RYR2: variants seen among roughly 807,000 people sequenced by gnomAD.
RYR2 encodes cardiac muscle ryanodine receptor-calcium release channel.
In RYR2, 227 loss-of-function variants were observed where a neutral mutation model predicts 601.1. The ratio of observed to expected loss-of-function variants is 0.38; its 90% CI spans 0.34 to 0.42. The LOEUF is 0.42. Ranked by LOEUF, RYR2 falls within the 10% of genes least tolerant of loss-of-function variation. The probability of loss-of-function intolerance (pLI) is 1.00; values close to 1 mark genes in which losing one functional copy is unlikely to be tolerated. For synonymous variants in RYR2, 2,223 were observed against 2,175.1 expected, an observed-to-expected ratio of 1.02 and a Z score of -0.61; for missense variants, 4,646 against 6,156.5, an observed-to-expected ratio of 0.75 and a Z score of 8.21.
chr1:237,755,692 C>T (rs573029395), intron 80 of RYR2, among the ~76,000 whole-genome samples: 1 of 152,314 alleles, frequency 6.6e-6, no homozygotes, highest in South Asian at 2.1e-4. Flanking sequence ...TTTGTTACCA[C>T]CAGAGAATAC....
chr1:237,439,494 A>T (rs571817187), intron 12 of RYR2, among the ~76,000 whole-genome samples: 1 of 152,106 alleles, frequency 6.6e-6, no homozygotes, highest in South Asian at 2.1e-4. Flanking sequence ...AAATACAAAA[A>T]TTAGCAGGGT....
At chr1:237,155,066 G>T (rs896704712) in intron 1 of RYR2, among the ~76,000 whole-genome samples, 1 of 151,940 alleles carries the variant, frequency 6.6e-6, no homozygotes, top group Admixed American at 6.6e-5. Context: ...GGTGACTGTT[G>T]TCTCCTTGTT....
At chr1:237,222,053 C>T (rs946404587) in intron 1 of RYR2, among the ~76,000 whole-genome samples, 2 of 151,966 alleles carry the variant, frequency 1.3e-5, no homozygotes, top group South Asian at 2.1e-4. Flanking sequence ...TCCATGGGGA[C>T]GTGTGCACAT....
chr1:237,468,440 A>T (rs999978974), intron 16 of RYR2, among the ~76,000 whole-genome samples: 3 of 152,190 alleles, frequency 2.0e-5, no homozygotes, highest in African/African-American at 7.2e-5. Flanking sequence ...GAAGTGTAGA[A>T]AACAGTAGTC....
rs56254694 is a variant in RYR2, at chr1:237,102,383, G to A, written c.48+59814G>A. Among the ~76,000 whole-genome samples the A allele has an allele frequency of 7.8e-3, 1,192 of 152,278 alleles. 16 individuals carry two copies. The highest frequency in any genetic ancestry group is 0.027 in the African/African-American group (1,116 of 41,546). ...GCATGCAGGCACACACACATACACA[G>A]CAGCCGTCCTCTTGTTGAATGCCTC... On this transcript the variant is annotated intron_variant, in intron 1 of 104. Transcript: ENST00000366574.
rs935252784 is a variant in RYR2, at chr1:237,616,088, G to A, written c.5716-1198G>A. ...GGTTAGTCAGGAGGCTTTCTTGCTG[G>A]TCCAAACTCTAGGAGACCATGCTCA... is the stretch of plus-strand genomic sequence containing the variant. On this transcript the variant is annotated intron_variant, in intron 37 of 104. Coordinates refer to ENST00000366574, the MANE Select transcript of RYR2 (RefSeq NM_001035.3). Among the ~76,000 whole-genome samples the A allele has an allele frequency of 2.6e-5, 4 of 152,226 alleles. No individual in the cohort carries two copies. The South Asian group carries it at 8.3e-4, about 32-fold the overall frequency.
rs571956015 is a variant in RYR2 at position 237,570,042 on chromosome 1, C to T, written c.3598+723C>T. Among the ~76,000 whole-genome samples, 4 of 152,002 alleles carry T rather than the reference C, an allele frequency of 2.6e-5. No homozygotes were observed. In the East Asian group the frequency reaches 7.9e-4, roughly 30 times the overall value. ...ACCAGCCTGACCAACATAGTGAAACCCCATGTCTACTAAAAAATACAAAAA... is the reference window on the plus strand; with the variant it reads ...ACCAGCCTGACCAACATAGTGAAACTCCATGTCTACTAAAAAATACAAAAA... On this transcript the variant is annotated intron_variant, in intron 29 of 104. Transcript: ENST00000366574.
chr1:237,802,131 T>A (rs1185051268), intron 98 of RYR2: 1 of 359,938 alleles, frequency 2.8e-6, no homozygotes, highest in Non-Finnish European at 5.0e-6. Context: ...AATGAAAATA[T>A]ATGAAAAACT....
intron 62 of RYR2, among the ~76,000 whole-genome samples, chr1:237,684,178 C>T (rs529813831): frequency 6.6e-4 from 101 of 151,934 alleles, no homozygotes; most frequent in Non-Finnish European, 1.2e-3. Context: ...TCAGGTGATC[C>T]GCCCACTTCT....
intron 1 of RYR2, among the ~76,000 whole-genome samples, chr1:237,222,918 A>T (rs1013724128): frequency 3.9e-5 from 6 of 152,156 alleles, no homozygotes; most frequent in African/African-American, 1.4e-4. Flanking sequence ...ATACAAAATT[A>T]TCCCGGCATG....
intron 1 of RYR2, among the ~76,000 whole-genome samples, chr1:237,067,125 A>C (rs968282309): frequency 6.6e-6 from 1 of 150,526 alleles, no homozygotes; most frequent in Non-Finnish European, 1.5e-5. Flanking sequence ...ACAGTCTTTC[A>C]AAAAAACAGA....
intron 56 of RYR2, 100 bp from the exon 57 acceptor site, chr1:237,666,412 C>CAA: frequency 1.0e-6 from 1 of 986,926 alleles, no homozygotes; most frequent in Non-Finnish European, 1.5e-6. Flanking sequence ...TCTAAGGAAA[C>CAA]ACTATGTTTG....
At chr1:237,374,868 A>T (rs1206596141) in intron 7 of RYR2, 73 bp downstream of exon 7, 1 of 1,107,348 alleles carries the variant, frequency 9.0e-7, no homozygotes, top group Non-Finnish European at 1.3e-6. Flanking sequence ...GAAGCCGGGA[A>T]ATACGATACA....
chr1:237,556,633 A>T (rs1428966893), intron 27 of RYR2, among the ~76,000 whole-genome samples: 1 of 151,780 alleles, frequency 6.6e-6, no homozygotes, highest in African/African-American at 2.4e-5. Flanking sequence ...TAACACATAG[A>T]TATGGAACAC....
In RYR2 at chr1:237,655,966, A is replaced by G; in HGVS notation, c.8111A>G (p.Gln2704Arg). Residue 2704 changes from glutamine to arginine, a missense_variant, in exon 53 of 105, where the codon CAA becomes CGA. Gln to Arg is a conservative substitution (Grantham distance 43). Coordinates refer to ENST00000366574, the MANE Select transcript of RYR2 (RefSeq NM_001035.3). ...SMDSEGNFNP[Q>R]PVDTSNITIP... Reference sequence around the variant, plus strand: ...GATTCTGAAGGGAACTTTAACCCACAACCTGTTGATACCTCAAAGTATGGA... The same window carrying G: ...GATTCTGAAGGGAACTTTAACCCACGACCTGTTGATACCTCAAAGTATGGA... 1 of 1,613,472 alleles carries G rather than the reference A, an allele frequency of 6.2e-7. No individual in the cohort carries two copies. The highest frequency in any genetic ancestry group is 1.1e-5 in the South Asian group (1 of 90,966).
rs2148796535 is a variant in RYR2 at position 237,649,967 on chromosome 1, T to C, written c.7603T>C (p.Phe2535Leu). The change falls in exon 50 of 105, where the codon TTT becomes CTT. Residue 2535 changes from phenylalanine to leucine, a missense_variant. Coordinates refer to ENST00000366574, the MANE Select transcript of RYR2 (RefSeq NM_001035.3). Reference sequence around the variant, plus strand: ...ATTGTTAACAAGATGTGCTCCTCTCTTTGCTGGCACAGAGCACCACGCTTC... The same window carrying C: ...ATTGTTAACAAGATGTGCTCCTCTCCTTGCTGGCACAGAGCACCACGCTTC... The part of the protein sequence containing the change: ...LPLLTRCAPL[F>L]AGTEHHASLI... 4 of 1,614,016 alleles carry C rather than the reference T, an allele frequency of 2.5e-6. No individual in the cohort carries two copies. The South Asian group carries it at 4.4e-5, about 18-fold the overall frequency.
At chr1:237,669,070 T>C (rs1282686097) in intron 58 of RYR2, among the ~76,000 whole-genome samples, 1 of 149,714 alleles carries the variant, frequency 6.7e-6, no homozygotes, top group East Asian at 2.0e-4. Flanking sequence ...TAGGGAGTGG[T>C]GATGACTCTT....
rs547910896 is a variant in RYR2 at position 237,608,403 on chromosome 1, G to A, written c.4684-2359G>A. Among the ~76,000 whole-genome samples the A allele has an allele frequency of 2.7e-4, 41 of 152,236 alleles. No individual in the cohort carries two copies. The South Asian group carries it at 5.0e-3, about 19-fold the overall frequency. On this transcript the variant is annotated intron_variant, in intron 35 of 104. Transcript: ENST00000366574. ...TGGTGGCCTTGCCAGAAGAATTTAA[G>A]CAAAACAATGGGAGAGGGGCTGGTC... is the stretch of plus-strand genomic sequence containing the variant.
At chr1:237,171,067 T>C (rs1438404351) in intron 1 of RYR2, among the ~76,000 whole-genome samples, 1 of 152,032 alleles carries the variant, frequency 6.6e-6, no homozygotes, top group African/African-American at 2.4e-5. Flanking sequence ...ACCCCGTCTC[T>C]ACTAAAAGTA....
Sources: gnomAD v4.1 joint callset for allele counts (sites outside exome capture counted in the v4.1 genomes callset) on GRCh38, gnomAD v4.1.1 for gene constraint, MANE v1.5 for transcripts, NCBI Gene and HGNC (gene_info 2026-07-23, HGNC 2026-07-21) for gene names.